The following FAM184A variants were observed in gnomAD, a reference collection of about 807,000 sequenced individuals.
The protein encoded by FAM184A is protein FAM184A.
FAM184A carries 99 observed loss-of-function variants against 143.8 expected under a neutral mutation model. The observed-to-expected ratio is 0.69, with a 90% CI of 0.58 to 0.81. FAM184A has a LOEUF of 0.81. Ranked by LOEUF, FAM184A falls within the 40% of genes least tolerant of loss-of-function variation. The pLI, the probability that FAM184A is intolerant of heterozygous loss-of-function variation, is 0.00. For synonymous variants in FAM184A, 427 were observed against 446.4 expected (o/e 0.96, Z 0.55); for missense variants, 1,217 against 1,310.5 (o/e 0.93, Z 1.10).
chr6:119,036,622 T>C (rs1000634996), intron 1 of FAM184A, among the ~76,000 whole-genome samples: 1 of 152,036 alleles, frequency 6.6e-6, no homozygotes, highest in Non-Finnish European at 1.5e-5. Flanking sequence ...TGATTCAGGA[T>C]CTGTGCAATG....
intron 1 of FAM184A, among the ~76,000 whole-genome samples, chr6:119,035,907 C>A (rs1236782030): frequency 6.6e-6 from 1 of 152,144 alleles, no homozygotes; most frequent in Non-Finnish European, 1.5e-5. Flanking sequence ...CAAGCTATAG[C>A]CCGACCACCT....
chr6:118,964,433 G>A (rs1783430433), intron 16 of FAM184A, among the ~76,000 whole-genome samples: 1 of 152,110 alleles, frequency 6.6e-6, no homozygotes, highest in African/African-American at 2.4e-5. Context: ...ATGAAAAAAA[G>A]GTAGAATCAA....
At chr6:119,021,034 G>A in intron 3 of FAM184A, among the ~76,000 whole-genome samples, 1 of 152,144 alleles carries the variant, frequency 6.6e-6, no homozygotes, top group East Asian at 1.9e-4. Context: ...TAAGGCAGAG[G>A]TTCTCAAAGT....
chr6:119,102,520 GCTCACAC>G (rs1788663918), intron 1 of FAM184A, among the ~76,000 whole-genome samples: 1 of 151,956 alleles, frequency 6.6e-6, no homozygotes, highest in Admixed American at 6.6e-5. Flanking sequence ...GGGCACAGTG[GCTCACAC>G]CTGTAATCAC....
intron 1 of FAM184A, among the ~76,000 whole-genome samples, chr6:119,124,975 C>T (rs1789318194): frequency 2.0e-5 from 3 of 152,248 alleles, no homozygotes; most frequent in African/African-American, 2.4e-5. Flanking sequence ...CCCTAGAACT[C>T]CTGTTATTAT....
intron 5 of FAM184A, among the ~76,000 whole-genome samples, chr6:119,013,987 T>C (rs914631409): frequency 6.6e-6 from 1 of 152,232 alleles, no homozygotes; most frequent in African/African-American, 2.4e-5. Flanking sequence ...TAGTGAAATA[T>C]ATAACAACCA....
At chr6:118,961,185 CT>C (rs1419515882) in intron 17 of FAM184A, among the ~76,000 whole-genome samples, 1 of 151,760 alleles carries the variant, frequency 6.6e-6, no homozygotes, top group Admixed American at 6.6e-5. Flanking sequence ...TCAAAATTTG[CT>C]AATACATTTA....
intron 1 of FAM184A, among the ~76,000 whole-genome samples, chr6:119,027,469 G>T (rs1025088738): frequency 6.6e-6 from 1 of 152,214 alleles, no homozygotes; most frequent in East Asian, 1.9e-4. Context: ...TTTCCTGTGC[G>T]ATAGGATCAT....
chr6:119,023,128 G>A, intron 2 of FAM184A, 48 bp from the exon 3 acceptor site: 1 of 1,587,172 alleles, frequency 6.3e-7, no homozygotes, highest in Non-Finnish European at 8.6e-7. Context: ...ATAATACTAA[G>A]CTAAATAATT....
rs774950195 is a variant in FAM184A, at chr6:119,006,095, C to G, written c.1815+352G>C. The G allele has an allele frequency of 5.2e-6, 4 of 765,074 alleles. No homozygotes were observed. In the Admixed American group the frequency reaches 6.8e-5, roughly 13 times the overall value. The allele number at this position is 765,074 out of a possible 1,614,324, so 47.4% of individuals were successfully genotyped here. A position where few individuals can be genotyped will look rare whatever the true frequency, so the allele number is the denominator to read the frequency against. On this transcript the variant is annotated intron_variant, in intron 7 of 17. Transcript: ENST00000338891. ...AGAATGAGCCCTTGTTCCAATATGC[C>G]TGGTATCCTTTTAAGATGTGAAGAT...
chr6:119,002,931 A>G lies in FAM184A; in HGVS notation c.2056T>C (p.Trp686Arg), dbSNP rs1188270294. The change falls in exon 9 of 18, where the codon TGG (tryptophan) becomes CGG (arginine). Residue 686 changes from tryptophan (W) to arginine (R), a missense_variant. By Grantham distance (101) the Trp-to-Arg change is moderately radical (BLOSUM62 -3). Transcript: ENST00000338891. ...DREKNAARDSWQKKVEDLLNQ... is the reference protein window; with the variant it reads ...DREKNAARDSRQKKVEDLLNQ... ...AAGAGATCTTCTACTTTCTTCTGCC[A>G]TGAATCTCTTGCTGCATTTTTCTCT... 2 of 1,612,148 alleles carry G rather than the reference A, an allele frequency of 1.2e-6. No homozygotes were observed. Among genetic ancestry groups the G allele is most frequent in the African/African-American group, 1.3e-5 (1 of 74,874 alleles).
At chr6:119,108,716 G>A (rs1345747223) in intron 1 of FAM184A, among the ~76,000 whole-genome samples, 4 of 152,108 alleles carry the variant, frequency 2.6e-5, no homozygotes, top group Admixed American at 6.5e-5. Flanking sequence ...GAGTTTGATG[G>A]AGAGTGAAGA....
Position 119,003,030 on chromosome 6 carries a change from G to T in FAM184A, c.1957C>A (p.Arg653Ser). The T allele has an allele frequency of 6.2e-7, 1 of 1,606,438 alleles. No individual in the cohort carries two copies. Among genetic ancestry groups the T allele is most frequent in the South Asian group, 1.1e-5 (1 of 89,368 alleles). The change falls in exon 9 of 18, where the codon CGT becomes AGT. Residue 653 changes from arginine (R) to serine (S), a missense_variant. Physicochemically the swap from Arg to Ser is moderately radical, Grantham distance 110. Transcript: ENST00000338891. ...TCATGTTGAAGCCTTAACTCTTCACGAAGTTTAGAACACTCTTGTCTAAAA... is the reference window on the plus strand; with the variant it reads ...TCATGTTGAAGCCTTAACTCTTCACTAAGTTTAGAACACTCTTGTCTAAAA... ...ENLRQECSKL[R>S]EELRLQHEED... is the part of the protein sequence containing the mutation.
intron 1 of FAM184A, among the ~76,000 whole-genome samples, chr6:119,039,169 A>G (rs887345079): frequency 7.2e-5 from 11 of 152,240 alleles, no homozygotes; most frequent in African/African-American, 2.7e-4. Context: ...TGATGAGAAT[A>G]TGGAGCAGCA....
At chr6:119,007,813 C>T (rs6927108) in intron 6 of FAM184A, among the ~76,000 whole-genome samples, 5,827 of 151,848 alleles carry the variant, frequency 0.038, 244 homozygotes, top group African/African-American at 0.1. Flanking sequence ...TGGTGGCGCG[C>T]GACTGTAATC....
At chr6:118,968,443 A>G (rs566506524) in intron 14 of FAM184A, among the ~76,000 whole-genome samples, 3 of 152,342 alleles carry the variant, frequency 2.0e-5, no homozygotes, top group South Asian at 2.1e-4. Flanking sequence ...GTGACAATAG[A>G]GACCAAGTGA....
intron 1 of FAM184A, among the ~76,000 whole-genome samples, chr6:119,029,789 C>A (rs567470146): frequency 2.6e-3 from 392 of 152,150 alleles, no homozygotes; most frequent in Non-Finnish European, 4.7e-3. Context: ...ACCTGTAGGC[C>A]AAATATGGCT....
chr6:118,976,310 A>T (rs910304938), intron 11 of FAM184A, among the ~76,000 whole-genome samples: 1 of 152,194 alleles, frequency 6.6e-6, no homozygotes, highest in Non-Finnish European at 1.5e-5. Flanking sequence ...TGCTTTCAGT[A>T]TGCAGGTAAA....
At chr6:119,023,822 TAAAA>T (rs11353751) in intron 2 of FAM184A, 133 bp downstream of exon 2, 529 of 414,448 alleles carry the variant, frequency 1.3e-3, no homozygotes, top group South Asian at 2.6e-3. Flanking sequence ...CAGGAAAAGT[TAAAA>T]AAAAAAAAAA....
Sources: gnomAD v4.1 joint callset for allele counts (sites outside exome capture counted in the v4.1 genomes callset) on GRCh38, gnomAD v4.1.1 for gene constraint, MANE v1.5 for transcripts, NCBI Gene and HGNC (gene_info 2026-07-23, HGNC 2026-07-21) for gene names.